Variants in NCOR2 observed in about 807,000 individuals in gnomAD.
The protein encoded by NCOR2 is nuclear receptor corepressor 2, also known as CTG repeat protein 26.
Under a neutral mutation model 262.9 loss-of-function variants are expected in NCOR2, and 81 were observed. The observed-to-expected ratio is 0.31, with a 90% CI of 0.26 to 0.37. The LOEUF (loss-of-function observed/expected upper bound fraction) is 0.37. Ranked by LOEUF, NCOR2 falls within the 10% of genes least tolerant of loss-of-function variation. NCOR2 has a pLI of 1.00. For synonymous variants in NCOR2, 1,659 were observed against 1,559.3 expected, an observed-to-expected ratio of 1.06 and a Z score of -1.51; for missense variants, 3,385 against 3,621.4, an observed-to-expected ratio of 0.93 and a Z score of 1.68.
At chr12:124,466,144 G>A in intron 5 of NCOR2, 29 bp downstream of exon 7, 1 of 1,579,450 alleles carries the variant, frequency 6.3e-7, no homozygotes, top group African/African-American at 1.4e-5. Context: ...CAGCACCGGG[G>A]GGCAGCAGGC....
chr12:124,508,910 G>A (rs993987024), intron 1 of NCOR2, among the ~76,000 whole-genome samples: 5 of 152,096 alleles, frequency 3.3e-5, no homozygotes, highest in Non-Finnish European at 5.9e-5. Context: ...GAGGTGGAGC[G>A]CCAGCAACGG....
chr12:124,344,669 C>A, exon 32 of NCOR2: 3 of 1,501,340 alleles, frequency 2.0e-6, no homozygotes, highest in Non-Finnish European at 2.7e-6. Flanking sequence ...GCAAAGGGTG[C>A]CCCGTGGTCC....
chr12:124,365,075 G>A (rs1163072076), intron 20 of NCOR2, among the ~76,000 whole-genome samples: 1 of 152,124 alleles, frequency 6.6e-6, no homozygotes, highest in Admixed American at 6.5e-5. Flanking sequence ...GCCTACGTTT[G>A]GGGGTATGGA....
At chr12:124,414,695 C>CA (rs2042765079) in intron 13 of NCOR2, among the ~76,000 whole-genome samples, 1 of 152,356 alleles carries the variant, frequency 6.6e-6, no homozygotes, top group Admixed American at 6.5e-5. Flanking sequence ...GGGGAAGAGG[C>CA]AGACAGCATC....
rs144332659 is a variant in NCOR2, at chr12:124,364,300, G to A, written c.2808-501C>T. On this transcript the variant is annotated intron_variant, in intron 20 of 46. Transcript: ENST00000405201. ...TTCACCAAGAGATTCCTCATCACTCGAATCTGAGAGGCTCGGGTGCCAGGG... is the reference window on the plus strand; with the variant it reads ...TTCACCAAGAGATTCCTCATCACTCAAATCTGAGAGGCTCGGGTGCCAGGG... 1.8e-3 allele frequency among the ~76,000 whole-genome samples: 267 copies of A among 152,342 alleles called. 1 individual carries two copies. The highest frequency in any genetic ancestry group is 6.0e-3 in the African/African-American group (250 of 41,578).
At chr12:124,406,213 C>T (rs1179025369) in intron 13 of NCOR2, among the ~76,000 whole-genome samples, 1 of 152,182 alleles carries the variant, frequency 6.6e-6, no homozygotes, top group Non-Finnish European at 1.5e-5. Context: ...AACAAAAGGG[C>T]ACGGCTGTGT....
At chr12:124,428,044 A>AGTGTGTGTCTGTGTGTGTGT (rs2043664003) in intron 10 of NCOR2, among the ~76,000 whole-genome samples, 2 of 112,398 alleles carry the variant, frequency 1.8e-5, no homozygotes, top group South Asian at 3.2e-4. Flanking sequence ...CCATGTGGCC[A>AGTGTGTGTCTGTGTGTGTGT]GTGTGTGTGT....
exon 13 of NCOR2, chr12:124,420,003 T>C: frequency 6.2e-7 from 1 of 1,613,946 alleles, no homozygotes; most frequent in Non-Finnish European, 8.5e-7. Flanking sequence ...CAGGCTCTTA[T>C]AGTTCTCATT....
intron 1 of NCOR2, among the ~76,000 whole-genome samples, chr12:124,488,106 C>G (rs1312380553): frequency 6.6e-6 from 1 of 152,134 alleles, no homozygotes; most frequent in Non-Finnish European, 1.5e-5. Flanking sequence ...CCATAAAAAT[C>G]TAGTCACTCT....
At chr12:124,334,519 G>C in exon 41 of NCOR2, 1 of 1,442,468 alleles carries the variant, frequency 6.9e-7, no homozygotes, top group Non-Finnish European at 9.1e-7. Flanking sequence ...GGAGGTCCAG[G>C]ACGGGGCAGC....
intron 7 of NCOR2, among the ~76,000 whole-genome samples, chr12:124,441,636 G>A (rs1294589609): frequency 3.9e-5 from 6 of 152,200 alleles, no homozygotes; most frequent in African/African-American, 1.4e-4. Flanking sequence ...GAATCTCCCC[G>A]CAAGTATGTA....
chr12:124,335,398 C>T (rs2035790622), intron 39 of NCOR2, 85 bp downstream of exon 41: 3 of 1,523,588 alleles, frequency 2.0e-6, no homozygotes, highest in African/African-American at 1.4e-5. Context: ...CCTTTAGGCA[C>T]CTCTGTTTTC....
chr12:124,337,241 T>A lies in NCOR2; in HGVS notation c.5688-61A>T, dbSNP rs936720395. The A allele has an allele frequency of 1.7e-5, 26 of 1,512,656 alleles. No individual in the cohort carries two copies. The Admixed American group carries it at 5.1e-4, about 30-fold the overall frequency. The allele number at this position is 1,512,656 out of a possible 1,614,324, so 93.7% of individuals were successfully genotyped here. A position where few individuals can be genotyped will look rare whatever the true frequency, so the allele number is the denominator to read the frequency against. ...GAGCTGCCCTCTTCCTCCACCACCC[T>A]CGATGAGTCCCCATTGCCCTGGGAT... is the stretch of plus-strand genomic sequence containing the variant. On this transcript the variant is annotated intron_variant, in intron 37 of 46. Coordinates refer to ENST00000405201, the Ensembl canonical transcript of NCOR2.
intron 1 of NCOR2, among the ~76,000 whole-genome samples, chr12:124,516,152 C>G (rs11615506): frequency 3.0e-4 from 45 of 152,220 alleles, no homozygotes; most frequent in Non-Finnish European, 5.9e-4. Flanking sequence ...CCTGGACGCC[C>G]GGGGAACTCC....
intron 11 of NCOR2, 65 bp from the exon 14 acceptor site, chr12:124,422,620 C>T (rs1386412771): frequency 8.8e-6 from 14 of 1,591,564 alleles, no homozygotes; most frequent in East Asian, 2.3e-5. Context: ...GGCAGCCGAT[C>T]GGCTCCCAGG....
At chr12:124,324,892 CT>C (rs1392685506) in exon 47 of NCOR2, 1 of 152,678 alleles carries the variant, frequency 6.5e-6, no homozygotes, top group Non-Finnish European at 1.5e-5. Flanking sequence ...ATCTCGTTGG[CT>C]GGGGCAGTCT....
At chr12:124,419,912 A>G in intron 13 of NCOR2, 45 bp downstream of exon 15, 1 of 1,540,044 alleles carries the variant, frequency 6.5e-7, no homozygotes, top group Non-Finnish European at 9.0e-7. Context: ...GCCGCTGAGC[A>G]TGCAGGGAGC....
intron 22 of NCOR2, 29 bp from the exon 25 acceptor site, chr12:124,356,811 G>T: frequency 6.9e-7 from 1 of 1,445,738 alleles, no homozygotes; most frequent in Non-Finnish European, 9.0e-7. Flanking sequence ...TCTCTGCTGA[G>T]GGCAGGAGGT....
chr12:124,431,588 G>T (rs928188302), intron 8 of NCOR2, among the ~76,000 whole-genome samples: 1 of 139,840 alleles, frequency 7.2e-6, no homozygotes, highest in Non-Finnish European at 1.6e-5. Context: ...CACACACACA[G>T]ATATATGCAC....
Sources: gnomAD v4.1 joint callset for allele counts (sites outside exome capture counted in the v4.1 genomes callset) on GRCh38, gnomAD v4.1.1 for gene constraint, MANE v1.5 for transcripts, NCBI Gene and HGNC (gene_info 2026-07-23, HGNC 2026-07-21) for gene names.